Variants in DYM observed in about 807,000 individuals in gnomAD.
DYM encodes dymeclin, also known as dyggve-Melchior-Clausen syndrome protein.
Under a neutral mutation model 93.1 loss-of-function variants are expected in DYM, and 78 were observed. The ratio of observed to expected loss-of-function variants is 0.84; its 90% confidence interval spans 0.70 to 1.01. The LOEUF (loss-of-function observed/expected upper bound fraction) is 1.01. Ranked by LOEUF, DYM falls within the 50% of genes least tolerant of loss-of-function variation. DYM has a pLI of 0.00. For synonymous variants in DYM, 321 were observed against 319.7 expected, an observed-to-expected ratio of 1.00 and a Z score of -0.04; for missense variants, 789 against 845.0, an observed-to-expected ratio of 0.93 and a Z score of 0.82.
intron 15 of DYM, among the ~76,000 whole-genome samples, chr18:49,142,705 A>T (rs1039752389): frequency 7.2e-5 from 11 of 152,210 alleles, no homozygotes; most frequent in African/African-American, 2.7e-4. Flanking sequence ...TCTGGTAAAC[A>T]ACAAGTCCTT....
chr18:49,036,534 CATA>C lies in DYM; in HGVS notation c.*7518_*7520del, dbSNP rs1401095511. ...ACTAGATTTAAAATTTATTGGTATT[CATA>C]ATATTCTCTTAAATATGTATACATA... On this transcript the variant is annotated 3_prime_UTR_variant, in exon 18 of 18. Transcript: ENST00000675505. Among the ~76,000 whole-genome samples, 3 of 152,138 alleles carry C rather than the reference CATA, an allele frequency of 2.0e-5. No individual in the cohort carries two copies. The highest frequency in any genetic ancestry group is 4.4e-5 in the Non-Finnish European group (3 of 68,030).
intron 2 of DYM, among the ~76,000 whole-genome samples, chr18:49,420,097 G>A (rs568163964): frequency 9.9e-5 from 15 of 150,960 alleles, no homozygotes; most frequent in African/African-American, 2.7e-4. Flanking sequence ...GCAAGAATAA[G>A]TAACCACTTC....
intron 13 of DYM, among the ~76,000 whole-genome samples, chr18:49,243,034 G>T (rs922748731): frequency 1.3e-5 from 2 of 152,138 alleles, no homozygotes; most frequent in Non-Finnish European, 2.9e-5. Flanking sequence ...CTTAGGGAAC[G>T]GCCAAGAGCC....
At chr18:49,144,680 T>C (rs2084891463) in intron 15 of DYM, among the ~76,000 whole-genome samples, 1 of 152,136 alleles carries the variant, frequency 6.6e-6, no homozygotes, top group African/African-American at 2.4e-5. Flanking sequence ...GACATAACTA[T>C]AAATATTAAA....
chr18:49,362,819 C>T (rs1006244058), intron 6 of DYM, among the ~76,000 whole-genome samples: 4 of 152,220 alleles, frequency 2.6e-5, no homozygotes, highest in Non-Finnish European at 2.9e-5. Context: ...GAGAACTCAA[C>T]TCACTGTGTC....
At chr18:49,388,977 T>A (rs77860782) in intron 3 of DYM, among the ~76,000 whole-genome samples, 13,752 of 149,706 alleles carry the variant, frequency 0.092, 858 homozygotes, top group East Asian at 0.31. Context: ...CTTAAAAAAA[T>A]TTTTTTTTCA....
At chr18:49,351,492 C>T (rs539451734) in intron 6 of DYM, among the ~76,000 whole-genome samples, 1 of 151,824 alleles carries the variant, frequency 6.6e-6, no homozygotes, top group Non-Finnish European at 1.5e-5. Flanking sequence ...ATAAGCAGTT[C>T]CATCAATGAA....
chr18:49,182,764 G>A (rs2090049747), intron 14 of DYM, among the ~76,000 whole-genome samples: 1 of 152,088 alleles, frequency 6.6e-6, no homozygotes, highest in Non-Finnish European at 1.5e-5. Flanking sequence ...TCTGAACAGT[G>A]GTCTGGGAAC....
intron 8 of DYM, among the ~76,000 whole-genome samples, chr18:49,291,703 C>T (rs374359086): frequency 6.6e-6 from 1 of 152,046 alleles, no homozygotes; most frequent in Non-Finnish European, 1.5e-5. Context: ...GTGCTCCCTC[C>T]ATTTCATAAG....
chr18:49,348,982 C>A (rs1231302294), intron 6 of DYM, among the ~76,000 whole-genome samples: 1 of 149,452 alleles, frequency 6.7e-6, no homozygotes, highest in Non-Finnish European at 1.5e-5. Context: ...CCGAAGTGGG[C>A]AGATGACTTG....
chr18:49,257,273 A>G (rs1250423688), intron 12 of DYM, among the ~76,000 whole-genome samples, 169 bp from the exon 13 acceptor site: 1 of 152,202 alleles, frequency 6.6e-6, no homozygotes, highest in East Asian at 1.9e-4. Flanking sequence ...CTGAAAATTC[A>G]AAGTTTTTTC....
chr18:49,302,072 C>A (rs901961252), intron 8 of DYM, among the ~76,000 whole-genome samples: 8 of 152,138 alleles, frequency 5.3e-5, no homozygotes, highest in Admixed American at 1.3e-4. Context: ...CAAAGAAATT[C>A]CAGATGAAAT....
rs145593602 is a variant in DYM, at chr18:49,068,103, C to G, written c.2026-23899G>C. On this transcript the variant is annotated intron_variant, in intron 17 of 17. Transcript: ENST00000675505. ...CAATGACTAGTAATAGTTGGACTTTCAAGCTTTTTTGAGGCTGCTTTGAGA... is the reference window on the plus strand; with the variant it reads ...CAATGACTAGTAATAGTTGGACTTTGAAGCTTTTTTGAGGCTGCTTTGAGA... Among the ~76,000 whole-genome samples the G allele has an allele frequency of 5.7e-4, 87 of 152,306 alleles. No homozygotes were observed. The East Asian group carries it at 0.011, about 19-fold the overall frequency.
intron 2 of DYM, among the ~76,000 whole-genome samples, chr18:49,399,955 T>G (rs1266486118): frequency 7.2e-6 from 1 of 138,626 alleles, no homozygotes; most frequent in Non-Finnish European, 1.5e-5. Flanking sequence ...TTTTTTTTTT[T>G]TTTTGAGACG....
intron 8 of DYM, among the ~76,000 whole-genome samples, chr18:49,288,760 AC>A (rs1364280965): frequency 6.6e-6 from 1 of 152,128 alleles, no homozygotes; most frequent in African/African-American, 2.4e-5. Context: ...AGCCTGGGCG[AC>A]AGAGTAAGAC....
At chr18:49,299,625 C>G (rs1483283079) in intron 8 of DYM, among the ~76,000 whole-genome samples, 1 of 152,134 alleles carries the variant, frequency 6.6e-6, no homozygotes, top group Non-Finnish European at 1.5e-5. Flanking sequence ...CCCTCCTTCA[C>G]CATGGTTTGA....
At chr18:49,364,061 T>C (rs1188833058) in intron 5 of DYM, among the ~76,000 whole-genome samples, 1 of 152,240 alleles carries the variant, frequency 6.6e-6, no homozygotes, top group Non-Finnish European at 1.5e-5. Flanking sequence ...GTTTCAACTA[T>C]TGGCATGTTC....
At chr18:49,098,458 C>T (rs1171403885) in intron 16 of DYM, among the ~76,000 whole-genome samples, 1 of 152,142 alleles carries the variant, frequency 6.6e-6, no homozygotes, top group African/African-American at 2.4e-5. Context: ...GTGGAAAGTA[C>T]ACTATATTAC....
chr18:49,403,825 AGAACATGCAGTATTT>A (rs1836002022), intron 2 of DYM, among the ~76,000 whole-genome samples: 2 of 151,762 alleles, frequency 1.3e-5, no homozygotes, highest in Non-Finnish European at 2.9e-5. Flanking sequence ...CCTGTATGTA[AGAACATGCAGTATTT>A]GGTTTTCTGT....
Sources: allele counts gnomAD v4.1 joint callset (sites outside exome capture counted in the v4.1 genomes callset), GRCh38; gene constraint gnomAD v4.1.1; transcripts MANE v1.5; gene names NCBI Gene and HGNC (gene_info 2026-07-23, HGNC 2026-07-21).